Variants in MOB4 observed in about 807,000 individuals in gnomAD.
MOB4 encodes MOB-like protein phocein.
MOB4 carries 4 observed loss-of-function variants against 32.2 expected under a neutral mutation model. The ratio of observed to expected loss-of-function variants is 0.12; its 90% CI spans 0.06 to 0.28. The LOEUF is 0.28. Ranked by LOEUF, MOB4 falls within the 10% of genes least tolerant of loss-of-function variation. The probability of loss-of-function intolerance (pLI) is 1.00; values close to 1 mark genes in which losing one functional copy is unlikely to be tolerated. For synonymous variants in MOB4, 88 were observed against 88.1 expected (o/e 1.00, Z 0.01); for missense variants, 158 against 271.2 (o/e 0.58, Z 2.93).
At chr2:197,530,930 T>C (rs920309712) in intron 2 of MOB4, among the ~76,000 whole-genome samples, 1 of 152,140 alleles carries the variant, frequency 6.6e-6, no homozygotes, top group African/African-American at 2.4e-5. Flanking sequence ...TTATGATGTA[T>C]CTGGATGTAG....
intron 2 of MOB4, among the ~76,000 whole-genome samples, chr2:197,532,467 A>G (rs956531990): frequency 1.3e-5 from 2 of 152,112 alleles, no homozygotes; most frequent in Admixed American, 6.6e-5. Flanking sequence ...TGAGCCCAGG[A>G]GTTCAAAACT....
chr2:197,515,842 G>C (rs1264465960), upstream of MOB4: 2 of 533,060 alleles, frequency 3.8e-6, no homozygotes, highest in East Asian at 3.6e-5. Flanking sequence ...AAAGAGGCTC[G>C]TGGCGCCCGC....
At chr2:197,540,212 T>G in intron 4 of MOB4, 59 bp downstream of exon 4, 1 of 1,580,288 alleles carries the variant, frequency 6.3e-7, no homozygotes, top group Non-Finnish European at 8.6e-7. Context: ...TTTCTCTGTT[T>G]TTATAACTTA....
chr2:197,540,204 T>TC lies in MOB4; in HGVS notation c.267+52dup, dbSNP rs1209830623. The TC allele has an allele frequency of 7.6e-6, 12 of 1,585,496 alleles. 1 individual carries two copies. The East Asian group carries it at 2.5e-4, about 33-fold the overall frequency. ...ATAATTGAAAGTTCTGATTTTTTTT[T>TC]CTCTGTTTTTATAACTTAATGTGCT... On this transcript the variant is annotated intron_variant, in intron 4 of 7. Coordinates refer to ENST00000323303, the MANE Select transcript of MOB4 (RefSeq NM_015387.5).
chr2:197,541,689 G>A (rs984819807), intron 5 of MOB4, among the ~76,000 whole-genome samples: 4 of 152,186 alleles, frequency 2.6e-5, no homozygotes, highest in Non-Finnish European at 5.9e-5. Context: ...GGAGGCCGAG[G>A]CGGGCGGATC....
Position 197,539,861 on chromosome 2 carries a change from C to T in MOB4, c.225-250C>T, listed in dbSNP as rs1404223796. On this transcript the variant is annotated intron_variant, in intron 3 of 7. Transcript: ENST00000323303. ...CAAATTACTTCCCTGAAAAATTGTACTAATTTCTAGTATATAAGAGAATGA... is the reference window on the plus strand; with the variant it reads ...CAAATTACTTCCCTGAAAAATTGTATTAATTTCTAGTATATAAGAGAATGA... 4.6e-5 allele frequency among the ~76,000 whole-genome samples: 7 copies of T among 152,266 alleles called. No homozygotes were observed. In the East Asian group the frequency reaches 9.6e-4, roughly 21 times the overall value.
chr2:197,534,835 GC>G (rs1306480246), intron 2 of MOB4, among the ~76,000 whole-genome samples: 3 of 151,930 alleles, frequency 2.0e-5, no homozygotes, highest in Admixed American at 1.3e-4. Context: ...GAGCCCCGAC[GC>G]CCGGCCTTTT....
At chr2:197,518,739 T>C (rs1344520386) in intron 1 of MOB4, among the ~76,000 whole-genome samples, 2 of 151,596 alleles carry the variant, frequency 1.3e-5, no homozygotes, top group African/African-American at 4.8e-5. Context: ...ATTTTATTTT[T>C]ATTTTTATTT....
chr2:197,540,674 T>C (rs926795487), intron 5 of MOB4, among the ~76,000 whole-genome samples: 2 of 152,240 alleles, frequency 1.3e-5, no homozygotes, highest in African/African-American at 4.8e-5. Flanking sequence ...CCACTGGCTA[T>C]TACGGATTAA....
chr2:197,532,150 C>G (rs2086717069), intron 2 of MOB4, among the ~76,000 whole-genome samples: 2 of 152,224 alleles, frequency 1.3e-5, no homozygotes, highest in African/African-American at 4.8e-5. Flanking sequence ...CTCAGGTGAT[C>G]TGCCCGCCTC....
intron 2 of MOB4, among the ~76,000 whole-genome samples, chr2:197,532,185 A>G (rs368391434): frequency 1.3e-5 from 2 of 152,204 alleles, no homozygotes; most frequent in South Asian, 4.1e-4. Context: ...CTGGGATTAC[A>G]GGAGTGAGCC....
chr2:197,536,595 CTTTTTTTTTTTT>C (rs71012981), intron 3 of MOB4, among the ~76,000 whole-genome samples: 6 of 55,382 alleles, frequency 1.1e-4, no homozygotes, highest in Non-Finnish European at 1.8e-4. Flanking sequence ...CATCTTTTGT[CTTTTTTTTTTTT>C]TTTTTTTTTT....
In MOB4 at chr2:197,551,092, C is replaced by G. The variant is rs2106142570; in HGVS notation, c.*446C>G. 6.6e-6 allele frequency: 1 copy of G among 152,516 alleles called. No homozygotes were observed. Among genetic ancestry groups the G allele is most frequent in the South Asian group, 2.1e-4 (1 of 4,824 alleles). The allele number at this position is 152,516 out of a possible 1,614,324, so 9.4% of individuals were successfully genotyped here. A position where few individuals can be genotyped will look rare whatever the true frequency, so the allele number is the denominator to read the frequency against. On this transcript the variant is annotated 3_prime_UTR_variant, in exon 8 of 8. Coordinates refer to ENST00000323303, the MANE Select transcript of MOB4 (RefSeq NM_015387.5). ...TTCTGTAGTACGTAGTTTTGTCTTA[C>G]CTGTTAACTTTCCCCAATTGAGATA...
rs2086474603 is a variant in MOB4, at chr2:197,519,380, A to G, written c.60+3234A>G. On this transcript the variant is annotated intron_variant, in intron 1 of 7. Coordinates refer to ENST00000323303, the MANE Select transcript of MOB4 (RefSeq NM_015387.5). The stretch of plus-strand genomic sequence containing the variant: ...GTGTCCTCTGGGGATTGGCTCCAGG[A>G]TAACTCCGTACCCCCACCCCATACC... Among the ~76,000 whole-genome samples, 4 of 152,192 alleles carry G rather than the reference A, an allele frequency of 2.6e-5. No individual in the cohort carries two copies. The South Asian group carries it at 8.3e-4, about 31-fold the overall frequency.
chr2:197,518,193 T>TA (rs949261254), intron 1 of MOB4, among the ~76,000 whole-genome samples: 13 of 151,028 alleles, frequency 8.6e-5, no homozygotes, highest in African/African-American at 2.9e-4. Context: ...CTTCCTACAT[T>TA]AAAAAAAAAG....
intron 3 of MOB4, 115 bp downstream of exon 3, chr2:197,535,745 T>C: frequency 1.7e-6 from 2 of 1,209,930 alleles, no homozygotes; most frequent in Middle Eastern, 2.5e-4. Context: ...AGCCAAATTT[T>C]AAAGCTTTGG....
intron 2 of MOB4, among the ~76,000 whole-genome samples, chr2:197,528,405 C>T (rs1185221787): frequency 6.6e-6 from 1 of 152,080 alleles, no homozygotes; most frequent in Admixed American, 6.6e-5. Context: ...CTATCATATG[C>T]ACCCCTTTTG....
chr2:197,540,232 C>CA lies in MOB4; in HGVS notation c.267+84dup, dbSNP rs1443636368. The CA allele has an allele frequency of 1.6e-5, 24 of 1,530,728 alleles. No homozygotes were observed. In the African/African-American group the frequency reaches 2.6e-4, roughly 17 times the overall value. 94.8% of individuals were successfully genotyped at this position (1,530,728 alleles called of 1,614,324 possible). A position where few individuals can be genotyped will look rare whatever the true frequency, so the allele number is the denominator to read the frequency against. The stretch of plus-strand genomic sequence containing the variant: ...CTGTTTTTATAACTTAATGTGCTTA[C>CA]AAAAACGTATCCACATTTCTAACTT... On this transcript the variant is annotated intron_variant, in intron 4 of 7. Coordinates refer to ENST00000323303, the MANE Select transcript of MOB4 (RefSeq NM_015387.5).
chr2:197,533,760 T>A, intron 2 of MOB4: 1 of 449,586 alleles, frequency 2.2e-6, no homozygotes, highest in Non-Finnish European at 4.2e-6. Flanking sequence ...TTTGATCCCT[T>A]TCCCTGTCAT....
Sources: gnomAD v4.1 joint callset for allele counts (sites outside exome capture counted in the v4.1 genomes callset) on GRCh38, gnomAD v4.1.1 for gene constraint, MANE v1.5 for transcripts, NCBI Gene and HGNC (gene_info 2026-07-23, HGNC 2026-07-21) for gene names.